MLIP: variants seen among roughly 807,000 people sequenced by gnomAD.
MLIP encodes the protein muscular LMNA-interacting protein.
A neutral mutation model predicts 84.8 loss-of-function variants in MLIP; 79 were observed. The ratio of observed to expected loss-of-function variants is 0.93; its 90% confidence interval spans 0.78 to 1.12. The LOEUF is 1.12. Ranked by LOEUF, MLIP falls within the 50% of genes most tolerant of loss-of-function variation. MLIP has a pLI of 0.00. For missense variants in MLIP, 1,257 were observed against 1,160.6 expected (o/e 1.08, Z -1.21); for synonymous variants, 504 against 463.0 (o/e 1.09, Z -1.14).
chr6:54,054,319 T>C (rs1334919643), intron 1 of MLIP, among the ~76,000 whole-genome samples: 2 of 151,784 alleles, frequency 1.3e-5, no homozygotes, highest in Non-Finnish European at 2.9e-5. Context: ...AGACACTGTA[T>C]GAACTTGCAA....
chr6:54,069,750 G>A (rs1323176105), intron 1 of MLIP, among the ~76,000 whole-genome samples: 1 of 98,472 alleles, frequency 1.0e-5, no homozygotes, highest in African/African-American at 2.6e-5. Context: ...CGTCTATATG[G>A]AGGGCCAACT....
intron 9 of MLIP, among the ~76,000 whole-genome samples, chr6:54,189,032 T>C (rs1777668731): frequency 6.6e-6 from 1 of 152,046 alleles, no homozygotes; most frequent in African/African-American, 2.4e-5. Flanking sequence ...GATAAAAACA[T>C]TTTCAGACAA....
chr6:54,202,827 G>A (rs1036039832), intron 11 of MLIP, among the ~76,000 whole-genome samples: 6 of 152,130 alleles, frequency 3.9e-5, no homozygotes, highest in Admixed American at 1.3e-4. Flanking sequence ...AAGCCCAGGC[G>A]GTTGAGGCTC....
rs1396512396 is a variant in MLIP at position 54,131,009 on chromosome 6, T to G, written c.646-5706T>G. Among the ~76,000 whole-genome samples the G allele has an allele frequency of 2.0e-5, 3 of 152,198 alleles. No homozygotes were observed. In the East Asian group the frequency reaches 5.8e-4, roughly 29 times the overall value. ...AAAGGTAAGCGATTCAAGTGCCTGTTGGGTTTAGGAAAAATAAACCATTGT... is the reference window on the plus strand; with the variant it reads ...AAAGGTAAGCGATTCAAGTGCCTGTGGGGTTTAGGAAAAATAAACCATTGT... On this transcript the variant is annotated intron_variant, in intron 3 of 13. Transcript: ENST00000502396.
chr6:54,243,126 A>T (rs190305510), intron 12 of MLIP, among the ~76,000 whole-genome samples: 3 of 152,332 alleles, frequency 2.0e-5, no homozygotes, highest in Non-Finnish European at 2.9e-5. Context: ...TAACTGTCAC[A>T]ACTGCCATGC....
chr6:54,079,600 G>T lies in MLIP; in HGVS notation c.64-41847G>T, dbSNP rs1316958340. ...TTGGTCCAGTCTTTCACATATATAA[G>T]TAGGGCACATCAGATGTCTTGAATA... is the stretch of plus-strand genomic sequence containing the variant. On this transcript the variant is annotated intron_variant, in intron 1 of 12. Transcript: ENST00000274897. 2.3e-4 allele frequency: 35 copies of T among 152,158 alleles called. 1 individual carries two copies. Among genetic ancestry groups the T allele is most frequent in the Non-Finnish European group, 8.8e-5 (6 of 68,026 alleles). The allele number at this position is 152,158 out of a possible 1,614,324, so 9.4% of individuals were successfully genotyped here.
chr6:54,190,472 T>C (rs1288917771), intron 10 of MLIP, among the ~76,000 whole-genome samples: 1 of 152,206 alleles, frequency 6.6e-6, no homozygotes, highest in Non-Finnish European at 1.5e-5. Context: ...TTTTATTTAA[T>C]GTTATATAAA....
chr6:54,111,293 A>C (rs921601852), upstream of MLIP: 11 of 1,022,226 alleles, frequency 1.1e-5, no homozygotes, highest in African/African-American at 8.2e-5. Context: ...TAATGTTCCA[A>C]ATCTAAAAAT....
intron 1 of MLIP, among the ~76,000 whole-genome samples, chr6:54,061,954 G>A (rs1021312011): frequency 6.6e-6 from 1 of 152,100 alleles, no homozygotes; most frequent in Admixed American, 6.5e-5. Context: ...TTAAACCATT[G>A]CCCTTTAAAA....
At chr6:54,182,822 A>G (rs1777020740) in intron 9 of MLIP, among the ~76,000 whole-genome samples, 1 of 152,196 alleles carries the variant, frequency 6.6e-6, no homozygotes, top group Non-Finnish European at 1.5e-5. Flanking sequence ...ATTTGGTCCT[A>G]TTACTAATGC....
At chr6:54,241,333 AC>A (rs1781723568) in intron 12 of MLIP, among the ~76,000 whole-genome samples, 1 of 151,902 alleles carries the variant, frequency 6.6e-6, no homozygotes, top group African/African-American at 2.4e-5. Context: ...TATAGTATAT[AC>A]TGTAACCTAT....
At chr6:54,121,058 G>A (rs1201586940) in intron 1 of MLIP, among the ~76,000 whole-genome samples, 1 of 152,010 alleles carries the variant, frequency 6.6e-6, no homozygotes, top group African/African-American at 2.4e-5. Context: ...TTGATTATGA[G>A]TTAATAAATT....
chr6:54,257,398 T>G, intron 13 of MLIP, 37 bp downstream of exon 13: 1 of 1,420,878 alleles, frequency 7.0e-7, no homozygotes, highest in Non-Finnish European at 9.8e-7. Flanking sequence ...TAATTATCCA[T>G]TTCTGTGTGA....
At position 54,125,086 on chromosome 6, in the gene MLIP, T is replaced by C. The variant is rs191593463; in HGVS notation, c.645+221T>C. 1.7e-3 allele frequency among the ~76,000 whole-genome samples: 264 copies of C among 152,330 alleles called. 2 individuals carry two copies. Among genetic ancestry groups the C allele is most frequent in the African/African-American group, 6.0e-3 (251 of 41,570 alleles). The stretch of plus-strand genomic sequence containing the variant: ...TTAAGCAATTATGCTGTGAATTGGC[T>C]GAAGAGAAAATGTAAAACATTTAGC... On this transcript the variant is annotated intron_variant, in intron 3 of 13. Transcript: ENST00000502396.
At chr6:54,244,970 A>T (rs530270549) in intron 12 of MLIP, among the ~76,000 whole-genome samples, 1 of 152,318 alleles carries the variant, frequency 6.6e-6, no homozygotes, top group South Asian at 2.1e-4. Flanking sequence ...ACAGTTTTAT[A>T]CTTTGAGAAA....
chr6:54,122,506 G>A (rs1770541378), intron 2 of MLIP, among the ~76,000 whole-genome samples: 1 of 152,008 alleles, frequency 6.6e-6, no homozygotes, highest in South Asian at 2.1e-4. Context: ...AATGAGATTG[G>A]GGCAACTTTG....
chr6:54,136,277 GT>G (rs1340316577), intron 3 of MLIP, among the ~76,000 whole-genome samples: 4 of 152,106 alleles, frequency 2.6e-5, no homozygotes, highest in Non-Finnish European at 5.9e-5. Flanking sequence ...GTGTGTTAAA[GT>G]TTTTTTAAGA....
rs144296614 is a variant in MLIP at position 54,183,127 on chromosome 6, C to T, written c.2545-6743C>T. Among the ~76,000 whole-genome samples, 949 of 152,188 alleles carry T rather than the reference C, an allele frequency of 6.2e-3. 5 individuals are homozygous for T. Among genetic ancestry groups the T allele is most frequent in the Non-Finnish European group, 8.1e-3 (554 of 68,012 alleles). On this transcript the variant is annotated intron_variant, in intron 9 of 13. Coordinates refer to ENST00000502396, the MANE Select transcript of MLIP (RefSeq NM_001281747.2). ...ATTCAAATAAAGGTCATCCCAATTT[C>T]GCCAGCTCACACACTCTTCTTGTTG... is the stretch of plus-strand genomic sequence containing the variant.
chr6:54,024,840 A>G (rs1266487784), intron 1 of MLIP, among the ~76,000 whole-genome samples: 1 of 151,764 alleles, frequency 6.6e-6, no homozygotes, highest in Admixed American at 6.6e-5. Flanking sequence ...GATTATTATT[A>G]TTATTATTAT....
Sources: allele counts gnomAD v4.1 joint callset (sites outside exome capture counted in the v4.1 genomes callset), GRCh38; gene constraint gnomAD v4.1.1; transcripts MANE v1.5; gene names NCBI Gene and HGNC (gene_info 2026-07-23, HGNC 2026-07-21).